The following SUSD4 variants were observed in gnomAD, a reference collection of about 807,000 sequenced individuals.
The protein encoded by SUSD4 is sushi domain-containing protein 4.
A neutral mutation model predicts 50.5 loss-of-function variants in SUSD4; 41 were observed. That is an observed-to-expected ratio of 0.81 (90% CI 0.63 to 1.05). The LOEUF (loss-of-function observed/expected upper bound fraction) is 1.05, where lower values mean the gene tolerates loss of function less well. Among genes scored for constraint, SUSD4 ranks in the 50% least tolerant of loss-of-function variants. The pLI is 0.00. For synonymous variants in SUSD4, 257 were observed against 257.3 expected, an observed-to-expected ratio of 1.00 and a Z score of 0.01; for missense variants, 580 against 634.7, an observed-to-expected ratio of 0.91 and a Z score of 0.93.
At chr1:223,272,808 C>A (rs1334566467) in intron 3 of SUSD4, among the ~76,000 whole-genome samples, 1 of 152,184 alleles carries the variant, frequency 6.6e-6, no homozygotes, top group African/African-American at 2.4e-5. Context: ...TTCATTCATC[C>A]ATTTTATGAA....
chr1:223,318,898 A>G (rs1237783291), intron 2 of SUSD4, among the ~76,000 whole-genome samples: 86 of 102,830 alleles, frequency 8.4e-4, no homozygotes, highest in Non-Finnish European at 1.1e-3. Context: ...ACCTGACTTC[A>G]AACTATACTA....
intron 3 of SUSD4, among the ~76,000 whole-genome samples, chr1:223,281,760 C>G (rs1301954066): frequency 6.6e-6 from 1 of 152,086 alleles, no homozygotes; most frequent in African/African-American, 2.4e-5. Context: ...CATCCTGATA[C>G]CAAAGCCTGG....
chr1:223,224,521 T>C, intron 7 of SUSD4, among the ~76,000 whole-genome samples: 1 of 152,140 alleles, frequency 6.6e-6, no homozygotes, highest in Admixed American at 6.5e-5. Flanking sequence ...AAAGGAAAGC[T>C]GTGAGCACTA....
intron 5 of SUSD4, among the ~76,000 whole-genome samples, chr1:223,241,916 G>A (rs907886561): frequency 6.6e-6 from 1 of 152,038 alleles, no homozygotes; most frequent in Non-Finnish European, 1.5e-5. Context: ...CCCCTTTACG[G>A]TGGCCTGGGA....
intron 5 of SUSD4, among the ~76,000 whole-genome samples, chr1:223,232,338 G>C (rs749590016): frequency 7.2e-5 from 11 of 152,166 alleles, no homozygotes; most frequent in Non-Finnish European, 1.6e-4. Flanking sequence ...TAACTTACTT[G>C]ACTGTAATAG....
intron 2 of SUSD4, among the ~76,000 whole-genome samples, chr1:223,343,551 A>G (rs1667872782): frequency 6.6e-6 from 1 of 152,244 alleles, no homozygotes. Context: ...TAAAAATATG[A>G]TATATTGTTA....
At chr1:223,271,600 C>A (rs1662926135) in intron 3 of SUSD4, among the ~76,000 whole-genome samples, 1 of 152,060 alleles carries the variant, frequency 6.6e-6, no homozygotes, top group Non-Finnish European at 1.5e-5. Context: ...AGGGGCAGTG[C>A]CCTAGGAATG....
intron 5 of SUSD4, among the ~76,000 whole-genome samples, chr1:223,245,812 A>G (rs554459942): frequency 2.0e-3 from 285 of 141,262 alleles, no homozygotes; most frequent in Non-Finnish European, 3.5e-3. Flanking sequence ...TCTGTTTCTA[A>G]ATAGGGCTTG....
At chr1:223,325,773 A>G (rs1273109645) in intron 2 of SUSD4, among the ~76,000 whole-genome samples, 1 of 152,192 alleles carries the variant, frequency 6.6e-6, no homozygotes, top group Non-Finnish European at 1.5e-5. Flanking sequence ...TTTTTACAAC[A>G]GCTGCAAACA....
chr1:223,312,379 A>G (rs967744371), intron 2 of SUSD4, among the ~76,000 whole-genome samples: 2 of 152,184 alleles, frequency 1.3e-5, no homozygotes, highest in African/African-American at 4.8e-5. Flanking sequence ...TCTGTATCAA[A>G]TCACTCACTC....
At chr1:223,242,002 C>T (rs1009036106) in intron 5 of SUSD4, among the ~76,000 whole-genome samples, 1 of 152,188 alleles carries the variant, frequency 6.6e-6, no homozygotes, top group Non-Finnish European at 1.5e-5. Context: ...AATGCACTGG[C>T]ATGATCATGG....
intron 5 of SUSD4, among the ~76,000 whole-genome samples, chr1:223,237,737 T>C (rs1454709878): frequency 2.0e-5 from 3 of 152,070 alleles, no homozygotes; most frequent in South Asian, 2.1e-4. Context: ...CTTTATTGGA[T>C]TGGATTTGCT....
chr1:223,240,655 G>T (rs2103021225), intron 5 of SUSD4, among the ~76,000 whole-genome samples: 1 of 152,088 alleles, frequency 6.6e-6, no homozygotes, highest in South Asian at 2.1e-4. Context: ...TCTTTCTTAG[G>T]ATTTCCATCT....
intron 2 of SUSD4, among the ~76,000 whole-genome samples, chr1:223,299,366 G>A (rs1665038016): frequency 6.6e-6 from 1 of 152,202 alleles, no homozygotes; most frequent in Non-Finnish European, 1.5e-5. Context: ...GCTCACGCAT[G>A]AGAACTAAGT....
At chr1:223,242,222 C>T (rs767741147) in intron 5 of SUSD4, among the ~76,000 whole-genome samples, 3 of 152,178 alleles carry the variant, frequency 2.0e-5, no homozygotes, top group Non-Finnish European at 4.4e-5. Flanking sequence ...GGATTACAGG[C>T]ATGAACCACT....
At chr1:223,304,266 G>A (rs1010606962) in intron 2 of SUSD4, among the ~76,000 whole-genome samples, 1 of 152,302 alleles carries the variant, frequency 6.6e-6, no homozygotes, top group African/African-American at 2.4e-5. Flanking sequence ...TCTCTGCAGG[G>A]GGAAGCACAT....
chr1:223,278,580 G>C (rs998457780), intron 3 of SUSD4, among the ~76,000 whole-genome samples: 5 of 152,226 alleles, frequency 3.3e-5, no homozygotes, highest in Admixed American at 1.3e-4. Context: ...CTCGAACTGG[G>C]TGGAGCCCAC....
intron 2 of SUSD4, among the ~76,000 whole-genome samples, chr1:223,331,444 C>T (rs1667166838): frequency 6.6e-6 from 1 of 152,158 alleles, no homozygotes; most frequent in African/African-American, 2.4e-5. Flanking sequence ...TCTGTCATTT[C>T]CAGCAAAAAC....
At chr1:223,360,976 A>C (rs1010232964) in intron 2 of SUSD4, among the ~76,000 whole-genome samples, 1 of 152,232 alleles carries the variant, frequency 6.6e-6, no homozygotes, top group Admixed American at 6.5e-5. Flanking sequence ...CCTTGGTCTC[A>C]AGCATGGCTA....
Sources: gnomAD v4.1 joint callset for allele counts (sites outside exome capture counted in the v4.1 genomes callset) on GRCh38, gnomAD v4.1.1 for gene constraint, MANE v1.5 for transcripts, NCBI Gene and HGNC (gene_info 2026-07-23, HGNC 2026-07-21) for gene names.